The following PARP12 variants were observed in gnomAD, a reference collection of about 807,000 sequenced individuals.
The protein encoded by PARP12 is protein mono-ADP-ribosyltransferase PARP12.
A neutral mutation model predicts 72.4 loss-of-function variants in PARP12; 59 were observed. The ratio of observed to expected loss-of-function variants is 0.81; its 90% CI spans 0.66 to 1.01. PARP12 has a LOEUF of 1.01. PARP12 is among the 50% of genes least tolerant of loss of function. The probability of loss-of-function intolerance (pLI) is 0.00; values close to 1 mark genes in which losing one functional copy is unlikely to be tolerated. For missense variants in PARP12, 851 were observed against 914.0 expected (o/e 0.93, Z 0.89); for synonymous variants, 403 against 371.4 (o/e 1.09, Z -0.98).
At chr7:140,038,292 C>T (rs1000973906) in intron 6 of PARP12, 10 of 985,368 alleles carry the variant, frequency 1.0e-5, no homozygotes, top group Middle Eastern at 1.0e-3. Context: ...CTCTTCCTTG[C>T]GGTTTTCTTT....
chr7:140,028,502 T>G, intron 9 of PARP12, 111 bp downstream of exon 9: 1 of 955,700 alleles, frequency 1.0e-6, no homozygotes, highest in East Asian at 3.1e-5. Flanking sequence ...CTGCCCCAAT[T>G]AGCCCCAGCC....
At chr7:140,053,620 T>C (rs951382568) in intron 4 of PARP12, among the ~76,000 whole-genome samples, 1 of 152,196 alleles carries the variant, frequency 6.6e-6, no homozygotes, top group Non-Finnish European at 1.5e-5. Context: ...AATACACATA[T>C]ATATGTGTGT....
chr7:140,046,845 G>C, intron 5 of PARP12, 39 bp downstream of exon 5: 3 of 1,406,820 alleles, frequency 2.1e-6, no homozygotes, highest in Middle Eastern at 1.9e-4. Flanking sequence ...ACACACAGAA[G>C]CCCAGGCACA....
intron 8 of PARP12, 190 bp downstream of exon 8, chr7:140,034,045 A>C (rs1816045842): frequency 1.6e-6 from 2 of 1,254,118 alleles, no homozygotes; most frequent in African/African-American, 3.1e-5. Flanking sequence ...TGCATCACGA[A>C]GCTTCTACCC....
intron 1 of PARP12, among the ~76,000 whole-genome samples, 200 bp downstream of exon 1, chr7:140,062,322 C>G (rs1046829805): frequency 2.0e-5 from 3 of 152,144 alleles, no homozygotes; most frequent in Non-Finnish European, 4.4e-5. Context: ...GAGGACCCCA[C>G]TCGACCCTGA....
chr7:140,035,829 A>C (rs970572774), intron 7 of PARP12, among the ~76,000 whole-genome samples: 4 of 151,862 alleles, frequency 2.6e-5, no homozygotes, highest in Non-Finnish European at 5.9e-5. Context: ...ACTGGTATCT[A>C]CCAAAAGAAG....
intron 4 of PARP12, among the ~76,000 whole-genome samples, chr7:140,050,082 A>C (rs1457226684): frequency 6.6e-6 from 1 of 152,220 alleles, no homozygotes; most frequent in Non-Finnish European, 1.5e-5. Context: ...AAATACCATC[A>C]AAAGACCAGA....
At chr7:140,029,737 GAATT>G (rs1203425632) in intron 8 of PARP12, among the ~76,000 whole-genome samples, 17 of 152,184 alleles carry the variant, frequency 1.1e-4, no homozygotes, top group African/African-American at 4.1e-4. Context: ...AGAACTTACA[GAATT>G]AAGTACAATC....
At chr7:140,046,799 A>AGAGTGT (rs369749083) in intron 5 of PARP12, 85 bp downstream of exon 5, 2 of 821,234 alleles carry the variant, frequency 2.4e-6, no homozygotes, top group African/African-American at 4.9e-5. Flanking sequence ...GGCTGCTCAC[A>AGAGTGT]GTGTGTGTGT....
intron 8 of PARP12, chr7:140,033,580 T>C (rs1816030214): frequency 1.0e-6 from 1 of 985,238 alleles, no homozygotes; most frequent in Non-Finnish European, 1.2e-6. Flanking sequence ...TTCCTCTCAG[T>C]TCCAATCCCA....
chr7:140,051,991 C>G (rs1816980516), intron 4 of PARP12, among the ~76,000 whole-genome samples: 1 of 152,210 alleles, frequency 6.6e-6, no homozygotes, highest in African/African-American at 2.4e-5. Context: ...GTTGCTGTGA[C>G]TTCTGCTCCT....
intron 7 of PARP12, 52 bp downstream of exon 7, chr7:140,037,663 G>C (rs1231820450): frequency 6.2e-7 from 1 of 1,602,646 alleles, no homozygotes; most frequent in East Asian, 2.2e-5. Flanking sequence ...AAGGTGTAGG[G>C]ACAGAGCCAA....
At chr7:140,052,732 TTGTGTGTGTG>T (rs9340762) in intron 4 of PARP12, among the ~76,000 whole-genome samples, 171 of 145,810 alleles carry the variant, frequency 1.2e-3, no homozygotes, top group African/African-American at 3.8e-3. Context: ...AAGACCCCTT[TTGTGTGTGTG>T]TGTGTGTGTG....
rs372496607 is a variant in PARP12 at position 140,056,985 on chromosome 7, C to T, written c.631G>A (p.Glu211Lys). The change falls in exon 3 of 12, where the codon GAG (glutamate) becomes AAG (lysine). Residue 211 changes from glutamate (E) to lysine (K), a missense_variant. Transcript: ENST00000263549. Reference sequence around the variant, plus strand: ...AGGTCTGAGCTCATACCCAACTTCTCCAATTTTTCCAGATTCTCAGAATTA... The same window carrying T: ...AGGTCTGAGCTCATACCCAACTTCTTCAATTTTTCCAGATTCTCAGAATTA... ...FSNSENLEKL[E>K]KLGMSSDLVS... is the part of the protein sequence containing the mutation. 5.6e-6 allele frequency: 9 copies of T among 1,614,116 alleles called. No individual in the cohort carries two copies. Among genetic ancestry groups the T allele is most frequent in the African/African-American group, 5.3e-5 (4 of 74,938 alleles).
At chr7:140,038,430 C>T (rs556807724) in intron 6 of PARP12, 78 of 480,374 alleles carry the variant, frequency 1.6e-4, no homozygotes, top group African/African-American at 1.6e-3. Context: ...CCCAAACCTG[C>T]TGGCTCTATA....
intron 4 of PARP12, among the ~76,000 whole-genome samples, chr7:140,048,312 A>C (rs1481409516): frequency 6.6e-6 from 1 of 151,852 alleles, no homozygotes; most frequent in African/African-American, 2.4e-5. Context: ...CCAGATCCTC[A>C]CTTCTCTCAT....
At chr7:140,026,645 C>G (rs1815750383) in intron 10 of PARP12, among the ~76,000 whole-genome samples, 1 of 152,150 alleles carries the variant, frequency 6.6e-6, no homozygotes, top group Admixed American at 6.6e-5. Flanking sequence ...TTCCCCCAAC[C>G]CCACCCCCAC....
At chr7:140,050,108 C>T (rs1450786103) in intron 4 of PARP12, among the ~76,000 whole-genome samples, 1 of 152,040 alleles carries the variant, frequency 6.6e-6, no homozygotes, top group African/African-American at 2.4e-5. Context: ...TCAAGAATTG[C>T]TAAAACTATG....
At chr7:140,045,737 A>T (rs1816689994) in intron 5 of PARP12, among the ~76,000 whole-genome samples, 1 of 152,240 alleles carries the variant, frequency 6.6e-6, no homozygotes, top group Non-Finnish European at 1.5e-5. Flanking sequence ...AAGAGAAAAG[A>T]AATATACAAA....
Sources: gnomAD v4.1 joint callset for allele counts (sites outside exome capture counted in the v4.1 genomes callset) on GRCh38, gnomAD v4.1.1 for gene constraint, MANE v1.5 for transcripts, NCBI Gene and HGNC (gene_info 2026-07-23, HGNC 2026-07-21) for gene names.